Variants in DPH6 observed in about 807,000 individuals in gnomAD.
DPH6 encodes the protein diphthine--ammonia ligase.
Under a neutral mutation model 38.2 loss-of-function variants are expected in DPH6, and 33 were observed. The ratio of observed to expected loss-of-function variants is 0.86; its 90% CI spans 0.65 to 1.15. The LOEUF (loss-of-function observed/expected upper bound fraction) is 1.15, where lower values mean the gene tolerates loss of function less well. Among genes scored for constraint, DPH6 ranks in the 50% most tolerant of loss-of-function variants. DPH6 has a pLI of 0.00. For synonymous variants in DPH6, 108 were observed against 103.0 expected (o/e 1.05, Z -0.30); for missense variants, 325 against 320.0 (o/e 1.02, Z -0.12).
intron 6 of DPH6, among the ~76,000 whole-genome samples, chr15:35,395,882 T>C (rs1192738673): frequency 6.6e-6 from 1 of 152,234 alleles, no homozygotes. Context: ...ACATAGCAGT[T>C]AGCATAGAAC....
At chr15:35,414,320 A>G (rs1276454425) in intron 5 of DPH6, among the ~76,000 whole-genome samples, 1 of 151,738 alleles carries the variant, frequency 6.6e-6, no homozygotes, top group African/African-American at 2.4e-5. Context: ...TGTTGTTCCT[A>G]ATGAAAATTA....
At chr15:35,160,094 T>A in the DPH6 span, among the ~76,000 whole-genome samples, 2 of 152,156 alleles carry the variant, frequency 1.3e-5, no homozygotes, top group South Asian at 2.1e-4. Context: ...TCGGGTACTA[T>A]GCTCACTACC....
chr15:35,398,520 T>G (rs114126553), intron 6 of DPH6, among the ~76,000 whole-genome samples: 1 of 132,888 alleles, frequency 7.5e-6, no homozygotes, highest in African/African-American at 3.3e-5. Flanking sequence ...GCCTGGAGGA[T>G]GGTGCGCTGA....
intron 5 of DPH6, among the ~76,000 whole-genome samples, chr15:35,450,421 A>G (rs546341364): frequency 6.6e-6 from 1 of 151,680 alleles, no homozygotes; most frequent in Admixed American, 6.6e-5. Context: ...ATGAAGGACT[A>G]TAATACAATA....
chr15:35,403,433 T>C lies in DPH6; in HGVS notation c.567+7402A>G, dbSNP rs1292888534. The stretch of plus-strand genomic sequence containing the variant: ...AGTCCAATTACACTTTTTTAGTTAT[T>C]TAAAAATGTAAAATTAAATTATTAT... On this transcript the variant is annotated intron_variant, in intron 6 of 8. Coordinates refer to ENST00000256538, the MANE Select transcript of DPH6 (RefSeq NM_080650.4). Among the ~76,000 whole-genome samples, 9 of 152,248 alleles carry C rather than the reference T, an allele frequency of 5.9e-5. No homozygotes were observed. The East Asian group carries it at 1.7e-3, about 29-fold the overall frequency.
At chr15:35,145,013 A>C in the DPH6 span, among the ~76,000 whole-genome samples, 1 of 152,286 alleles carries the variant, frequency 6.6e-6, no homozygotes, top group African/African-American at 2.4e-5. Context: ...TCTGAGGCAA[A>C]GATTTTAGTT....
At chr15:35,526,125 G>A (rs927582584) in intron 3 of DPH6, among the ~76,000 whole-genome samples, 3 of 152,110 alleles carry the variant, frequency 2.0e-5, no homozygotes, top group African/African-American at 7.2e-5. Context: ...ATCATGAAAG[G>A]CTCAAAGGGA....
chr15:35,150,691 A>C, the DPH6 span, among the ~76,000 whole-genome samples: 4 of 152,222 alleles, frequency 2.6e-5, no homozygotes, highest in African/African-American at 9.6e-5. Flanking sequence ...CAGCCTTTAC[A>C]TGGGAGATCA....
In DPH6 at chr15:35,542,486, A is replaced by G. The variant is rs772614809; in HGVS notation, c.45T>C (p.Tyr15=). ...CAGCAGCAATGCACTGCATCATATT[A>G]TAGCAGCTGTCCTTCCCACCACTAA... ...ALISGGKDSC[Y]NMMQCIAAGH... Residue 15 remains tyrosine (Y), a synonymous_variant, in exon 2 of 9, where the codon TAT becomes TAC. Transcript: ENST00000256538. 3.2e-6 allele frequency: 5 copies of G among 1,566,158 alleles called. No individual in the cohort carries two copies. The highest frequency in any genetic ancestry group is 2.3e-5 in the South Asian group (2 of 86,684).
rs2053013451 is a variant in DPH6, at chr15:35,388,985, A to G, written c.568-7069T>C. ...CTTTCTCTTGCGGGCATTTAGTGCTATAAATTTCCCTCTACACACTGCTTT... is the reference window on the plus strand; with the variant it reads ...CTTTCTCTTGCGGGCATTTAGTGCTGTAAATTTCCCTCTACACACTGCTTT... On this transcript the variant is annotated intron_variant, in intron 6 of 8. Coordinates refer to ENST00000256538, the MANE Select transcript of DPH6 (RefSeq NM_080650.4). Among the ~76,000 whole-genome samples, 3 of 152,200 alleles carry G rather than the reference A, an allele frequency of 2.0e-5. No homozygotes were observed. The South Asian group carries it at 6.2e-4, about 32-fold the overall frequency.
chr15:35,508,663 T>A (rs1292182477), intron 3 of DPH6, among the ~76,000 whole-genome samples: 1 of 152,144 alleles, frequency 6.6e-6, no homozygotes, highest in Non-Finnish European at 1.5e-5. Context: ...AGGATACACA[T>A]GACATTCTCC....
chr15:35,292,930 G>T (rs1406047479), intron 3 of DPH6, among the ~76,000 whole-genome samples: 1 of 151,924 alleles, frequency 6.6e-6, no homozygotes, highest in Non-Finnish European at 1.5e-5. Flanking sequence ...TCCTAGGTTT[G>T]TTTTCCTTTA....
At chr15:35,347,312 A>G (rs1182522418) in intron 3 of DPH6, among the ~76,000 whole-genome samples, 1 of 152,116 alleles carries the variant, frequency 6.6e-6, no homozygotes, top group African/African-American at 2.4e-5. Context: ...CATATATGAC[A>G]GAATTGCCTG....
chr15:35,354,213 T>G (rs8037366), intron 3 of DPH6, among the ~76,000 whole-genome samples: 3 of 152,054 alleles, frequency 2.0e-5, no homozygotes, highest in Non-Finnish European at 4.4e-5. Context: ...AGATACAATC[T>G]TGTCATCTGC....
At chr15:35,353,721 C>T (rs190509656) in intron 3 of DPH6, among the ~76,000 whole-genome samples, 3,332 of 152,236 alleles carry the variant, frequency 0.022, 50 homozygotes, top group African/African-American at 0.043. Flanking sequence ...CGTGATGCCT[C>T]CAACTTTGTT....
chr15:35,192,050 T>C, the DPH6 span, among the ~76,000 whole-genome samples: 1 of 152,202 alleles, frequency 6.6e-6, no homozygotes, highest in Non-Finnish European at 1.5e-5. Context: ...GACCAAACCC[T>C]TGGCATTTCA....
intron 1 of DPH6, 140 bp from the exon 2 acceptor site, chr15:35,542,647 C>T: frequency 2.5e-6 from 2 of 809,718 alleles, no homozygotes; most frequent in African/African-American, 3.4e-5. Flanking sequence ...CCATTAATTT[C>T]TAAATCATAA....
chr15:35,459,574 T>C (rs1254242885), intron 3 of DPH6, among the ~76,000 whole-genome samples: 1 of 152,038 alleles, frequency 6.6e-6, no homozygotes, highest in African/African-American at 2.4e-5. Context: ...CAAGACAGTA[T>C]AGGAATATAT....
intron 6 of DPH6, among the ~76,000 whole-genome samples, chr15:35,385,008 T>A (rs2052930181): frequency 6.6e-6 from 1 of 151,776 alleles, no homozygotes. Flanking sequence ...CCAACAAACA[T>A]ATGAAAAAAA....
Sources: gnomAD v4.1 joint callset for allele counts (sites outside exome capture counted in the v4.1 genomes callset) on GRCh38, gnomAD v4.1.1 for gene constraint, MANE v1.5 for transcripts, NCBI Gene and HGNC (gene_info 2026-07-23, HGNC 2026-07-21) for gene names.